Variants in ANKRD33B observed in about 807,000 individuals in gnomAD.
The protein encoded by ANKRD33B is ankyrin repeat domain-containing protein 33B.
In ANKRD33B, 6 loss-of-function variants were observed where a neutral mutation model predicts 21.5. That is an observed-to-expected ratio of 0.28 (90% CI 0.15 to 0.55). The LOEUF (loss-of-function observed/expected upper bound fraction) is 0.55. Among genes scored for constraint, ANKRD33B ranks in the 20% least tolerant of loss-of-function variants. The pLI, the probability that ANKRD33B is intolerant of heterozygous loss-of-function variation, is 0.94. For synonymous variants in ANKRD33B, 347 were observed against 342.4 expected (o/e 1.01, Z -0.15); for missense variants, 698 against 747.2 (o/e 0.93, Z 0.77).
intron 2 of ANKRD33B, among the ~76,000 whole-genome samples, chr5:10,637,283 G>A (rs1482484699): frequency 6.6e-6 from 1 of 152,216 alleles, no homozygotes; most frequent in Non-Finnish European, 1.5e-5. Flanking sequence ...GGAATGAGCA[G>A]AAAGTTAGAT....
intron 3 of ANKRD33B, among the ~76,000 whole-genome samples, chr5:10,646,706 T>C (rs2126608520): frequency 6.6e-6 from 1 of 152,386 alleles, no homozygotes; most frequent in Non-Finnish European, 1.5e-5. Flanking sequence ...ACACTTTTAC[T>C]GCCCCCTTTT....
At chr5:10,581,561 C>A (rs1291363798) in intron 1 of ANKRD33B, among the ~76,000 whole-genome samples, 1 of 152,320 alleles carries the variant, frequency 6.6e-6, no homozygotes, top group Non-Finnish European at 1.5e-5. Context: ...CATAGGCTGG[C>A]CTCTTTACTC....
At chr5:10,634,797 T>G in intron 2 of ANKRD33B, among the ~76,000 whole-genome samples, 1 of 150,888 alleles carries the variant, frequency 6.6e-6, no homozygotes, top group African/African-American at 2.4e-5. Context: ...GGTTCCCTTG[T>G]GCAAGGAAGG....
rs757526877 is a variant in ANKRD33B at position 10,649,571 on chromosome 5, C to G, written c.943C>G (p.Leu315Val). 1.3e-6 allele frequency: 2 copies of G among 1,527,130 alleles called. No individual in the cohort carries two copies. Among genetic ancestry groups the G allele is most frequent in the South Asian group, 2.4e-5 (2 of 83,600 alleles). The allele number at this position is 1,527,130 out of a possible 1,614,324, so 94.6% of individuals were successfully genotyped here. A position where few individuals can be genotyped will look rare whatever the true frequency, so the allele number is the denominator to read the frequency against. ...LDHMVRMTTS[L>V]YSPAVAIVCQ... ...CCACATGGTCCGGATGACCACGAGCCTCTACAGCCCCGCCGTGGCCATCGT... is the reference window on the plus strand; with the variant it reads ...CCACATGGTCCGGATGACCACGAGCGTCTACAGCCCCGCCGTGGCCATCGT... The change falls in exon 4 of 4, where the codon CTC becomes GTC. Residue 315 changes from leucine to valine, a missense_variant. Leu to Val is a conservative substitution (Grantham distance 32). Coordinates refer to ENST00000296657, the MANE Select transcript of ANKRD33B (RefSeq NM_001164440.2).
At chr5:10,564,877 C>T in intron 1 of ANKRD33B, 44 bp downstream of exon 1, 1 of 1,460,346 alleles carries the variant, frequency 6.8e-7, no homozygotes, top group Non-Finnish European at 9.0e-7. Flanking sequence ...TCACTGCCCC[C>T]ACTCCCCTCC....
Position 10,591,194 on chromosome 5 carries a change from G to GT in ANKRD33B, c.366+26361_366+26362insT, listed in dbSNP as rs749837253. Among the ~76,000 whole-genome samples the GT allele has an allele frequency of 6.2e-5, 7 of 113,454 alleles. No individual in the cohort carries two copies. In the East Asian group the frequency reaches 8.5e-4, roughly 14 times the overall value. 74.4% of individuals were successfully genotyped at this position (113,454 alleles called of 152,430 possible). A position where few individuals can be genotyped will look rare whatever the true frequency, so the allele number is the denominator to read the frequency against. On this transcript the variant is annotated intron_variant, in intron 1 of 3. Coordinates refer to ENST00000296657, the MANE Select transcript of ANKRD33B (RefSeq NM_001164440.2). ...AATAGTCATCTACATTTTTTTTAGT[G>GT]GTTTTTTTTTTTTTTTGAGATGGAG... is the stretch of plus-strand genomic sequence containing the variant.
chr5:10,643,857 G>A (rs1737129776), intron 3 of ANKRD33B, among the ~76,000 whole-genome samples: 1 of 144,894 alleles, frequency 6.9e-6, no homozygotes, highest in African/African-American at 2.5e-5. Context: ...GTGACATCTT[G>A]TTTAGGGAAC....
chr5:10,643,612 T>C (rs1021865673), intron 3 of ANKRD33B, among the ~76,000 whole-genome samples: 1 of 151,272 alleles, frequency 6.6e-6, no homozygotes, highest in African/African-American at 2.4e-5. Flanking sequence ...GGACAGGAGT[T>C]CGAGACCAGC....
At chr5:10,569,746 G>A (rs550669469) in intron 1 of ANKRD33B, among the ~76,000 whole-genome samples, 1 of 152,332 alleles carries the variant, frequency 6.6e-6, no homozygotes, top group South Asian at 2.1e-4. Context: ...AGTCAGAGGA[G>A]GTCTCAGCTG....
At chr5:10,591,919 TTACATTG>T (rs1273057195) in intron 1 of ANKRD33B, among the ~76,000 whole-genome samples, 1 of 152,204 alleles carries the variant, frequency 6.6e-6, no homozygotes. Context: ...ATATAGTAAC[TTACATTG>T]TATATTTATT....
intron 2 of ANKRD33B, among the ~76,000 whole-genome samples, chr5:10,632,514 T>C (rs1736748087): frequency 6.6e-6 from 1 of 152,130 alleles, no homozygotes; most frequent in South Asian, 2.1e-4. Flanking sequence ...CTTTCCTCTT[T>C]TGCATACCAC....
At chr5:10,588,771 T>C (rs888278677) in intron 1 of ANKRD33B, among the ~76,000 whole-genome samples, 8 of 152,234 alleles carry the variant, frequency 5.3e-5, no homozygotes, top group Admixed American at 4.6e-4. Context: ...AAAAGCTGCA[T>C]GCCAACCATG....
chr5:10,607,103 A>G lies in ANKRD33B; in HGVS notation c.367-11230A>G, dbSNP rs1044598324. Among the ~76,000 whole-genome samples the G allele has an allele frequency of 2.3e-4, 35 of 152,172 alleles. 1 individual carries two copies. The highest frequency in any genetic ancestry group is 8.2e-4 in the African/African-American group (34 of 41,438). ...CTTAAAATAAAGGACAGTTCTTCCC[A>G]AGGGAAAAAGAAAGTAGGCAACCTG... On this transcript the variant is annotated intron_variant, in intron 1 of 3. Transcript: ENST00000296657.
intron 2 of ANKRD33B, 64 bp downstream of exon 2, chr5:10,618,526 G>A (rs1247603680): frequency 8.2e-6 from 12 of 1,462,712 alleles, no homozygotes; most frequent in Middle Eastern, 1.8e-4. Flanking sequence ...CGGGCAGCCC[G>A]GGCTCCCGTT....
In ANKRD33B at chr5:10,564,775, CG is replaced by C; in HGVS notation, c.309del (p.Leu104TrpfsTer6). 4 of 1,525,968 alleles carry C rather than the reference CG, an allele frequency of 2.6e-6. No homozygotes were observed. The highest frequency in any genetic ancestry group is 3.5e-6 in the Non-Finnish European group (4 of 1,140,268). The allele number at this position is 1,525,968 out of a possible 1,614,324, so 94.5% of individuals were successfully genotyped here. On this transcript the variant is annotated frameshift_variant, in exon 1 of 4. Coordinates refer to ENST00000296657, the MANE Select transcript of ANKRD33B (RefSeq NM_001164440.2). LOFTEE classifies it high-confidence loss of function. ...ACANNVGLLR[T>X]LVRRGVSVEE... ...GCCAACAACGTGGGGCTGCTGCGGA[CG>C]CTGGTGCGGCGCGGGGTGAGCGTCG... is the stretch of plus-strand genomic sequence containing the variant.
rs547259701 is a variant in ANKRD33B at position 10,609,901 on chromosome 5, T to A, written c.367-8432T>A. The stretch of plus-strand genomic sequence containing the variant: ...TATAGCCTGGGTGACAGAGTGAGAC[T>A]CCATCTAAAAAAAACAAAACACACA... On this transcript the variant is annotated intron_variant, in intron 1 of 3. Coordinates refer to ENST00000296657, the MANE Select transcript of ANKRD33B (RefSeq NM_001164440.2). Among the ~76,000 whole-genome samples, 3 of 151,616 alleles carry A rather than the reference T, an allele frequency of 2.0e-5. No homozygotes were observed. The South Asian group carries it at 6.2e-4, about 31-fold the overall frequency.
At chr5:10,565,568 G>A (rs1412822783) in intron 1 of ANKRD33B, among the ~76,000 whole-genome samples, 1 of 152,266 alleles carries the variant, frequency 6.6e-6, no homozygotes, top group East Asian at 1.9e-4. Flanking sequence ...GGCAGGAGGC[G>A]TGGAGGCAGG....
chr5:10,568,412 G>A (rs1454623922), intron 1 of ANKRD33B, among the ~76,000 whole-genome samples: 1 of 152,244 alleles, frequency 6.6e-6, no homozygotes, highest in Non-Finnish European at 1.5e-5. Flanking sequence ...CACACAAAGT[G>A]TGTTGTTTTA....
At chr5:10,608,526 G>A (rs1441973648) in intron 1 of ANKRD33B, among the ~76,000 whole-genome samples, 2 of 152,066 alleles carry the variant, frequency 1.3e-5, no homozygotes, top group Non-Finnish European at 2.9e-5. Flanking sequence ...TTTATGGGGA[G>A]GTGGGATGAG....
Sources: gnomAD v4.1 joint callset for allele counts (sites outside exome capture counted in the v4.1 genomes callset) on GRCh38, gnomAD v4.1.1 for gene constraint, MANE v1.5 for transcripts, NCBI Gene and HGNC (gene_info 2026-07-23, HGNC 2026-07-21) for gene names.